KCTD1: variants seen among roughly 807,000 people sequenced by gnomAD.
KCTD1 encodes the protein potassium channel tetramerization domain containing 1.
Under a neutral mutation model 66.0 loss-of-function variants are expected in KCTD1, and 24 were observed. The ratio of observed to expected loss-of-function variants is 0.36; its 90% CI spans 0.26 to 0.51. The LOEUF is 0.51. Ranked by LOEUF, KCTD1 falls within the 20% of genes least tolerant of loss-of-function variation. The pLI is 0.95. For synonymous variants in KCTD1, 511 were observed against 517.2 expected (o/e 0.99, Z 0.16); for missense variants, 943 against 1,205.2 (o/e 0.78, Z 3.22).
chr18:26,463,925 T>C (rs1458440302), intron 3 of KCTD1, among the ~76,000 whole-genome samples: 1 of 152,226 alleles, frequency 6.6e-6, no homozygotes, highest in Non-Finnish European at 1.5e-5. Flanking sequence ...TGAGCTTCCC[T>C]AAGATCCTGA....
intron 1 of KCTD1, among the ~76,000 whole-genome samples, chr18:26,513,357 G>A (rs1378709699): frequency 1.3e-5 from 2 of 151,970 alleles, no homozygotes; most frequent in Non-Finnish European, 2.9e-5. Context: ...AAAGTGCTGG[G>A]ATTACAGGCG....
intron 1 of KCTD1, among the ~76,000 whole-genome samples, chr18:26,508,799 T>A (rs1002020225): frequency 3.9e-5 from 6 of 152,162 alleles, no homozygotes; most frequent in African/African-American, 1.4e-4. Flanking sequence ...TCTGATTAAT[T>A]CTGATAGTCT....
intron 2 of KCTD1, among the ~76,000 whole-genome samples, chr18:26,486,231 CTCT>C (rs996682106): frequency 6.6e-6 from 1 of 152,180 alleles, no homozygotes; most frequent in African/African-American, 2.4e-5. Flanking sequence ...CTTATTGCAG[CTCT>C]ATAAAGTATT....
At chr18:26,578,201 A>G (rs1270335241) in intron 1 of KCTD1, among the ~76,000 whole-genome samples, 2 of 151,720 alleles carry the variant, frequency 1.3e-5, no homozygotes, top group East Asian at 1.9e-4. Context: ...GACCACAGAC[A>G]TGCACCACCA....
chr18:26,498,518 A>G (rs958254828), intron 2 of KCTD1, among the ~76,000 whole-genome samples: 2 of 151,400 alleles, frequency 1.3e-5, no homozygotes, highest in Admixed American at 1.3e-4. Context: ...ATTAATTTTA[A>G]TAATGTTTTA....
At chr18:26,642,641 C>A (rs1026417031), upstream of KCTD1, among the ~76,000 whole-genome samples, 1 of 152,154 alleles carries the variant, frequency 6.6e-6, no homozygotes, top group Non-Finnish European at 1.5e-5. Flanking sequence ...GGGAACTTCA[C>A]TGAGAAATAT....
intron 1 of KCTD1, among the ~76,000 whole-genome samples, chr18:26,515,785 C>T (rs1983626022): frequency 2.0e-5 from 3 of 152,156 alleles, no homozygotes; most frequent in African/African-American, 4.8e-5. Context: ...GCTAGGATTA[C>T]AGGCGTGAGC....
chr18:26,484,186 T>A (rs917089458), intron 2 of KCTD1, among the ~76,000 whole-genome samples: 1 of 152,186 alleles, frequency 6.6e-6, no homozygotes, highest in Non-Finnish European at 1.5e-5. Flanking sequence ...CTCAAGAAAT[T>A]TCATCTATAT....
At chr18:26,509,455 C>T (rs1983224872) in intron 1 of KCTD1, among the ~76,000 whole-genome samples, 1 of 151,838 alleles carries the variant, frequency 6.6e-6, no homozygotes, top group African/African-American at 2.4e-5. Context: ...AGTGTTAGTT[C>T]CATATATCTA....
intron 3 of KCTD1, among the ~76,000 whole-genome samples, chr18:26,472,675 G>A (rs989125543): frequency 5.3e-5 from 8 of 152,212 alleles, no homozygotes; most frequent in African/African-American, 1.9e-4. Context: ...AGAGCTGACT[G>A]GGGAGCGCCC....
At chr18:26,634,926 G>C (rs1482162468) in intron 1 of KCTD1, among the ~76,000 whole-genome samples, 1 of 152,166 alleles carries the variant, frequency 6.6e-6, no homozygotes, top group Admixed American at 6.5e-5. Flanking sequence ...TAGCAGAAGT[G>C]AGTGAGGCAA....
chr18:26,591,794 T>C (rs181348649), intron 1 of KCTD1, among the ~76,000 whole-genome samples: 1 of 152,316 alleles, frequency 6.6e-6, no homozygotes, highest in East Asian at 1.9e-4. Flanking sequence ...TCTTGGTGTA[T>C]ATAATAAATA....
chr18:26,640,095 A>G (rs1472923133), intron 1 of KCTD1, among the ~76,000 whole-genome samples: 2 of 152,174 alleles, frequency 1.3e-5, no homozygotes, highest in Non-Finnish European at 2.9e-5. Context: ...AGAGAGGTCT[A>G]AAGGAAAAAT....
At position 26,533,133 on chromosome 18, in the gene KCTD1, T is replaced by C. The variant is rs553396950; in HGVS notation, c.1809+13595A>G. On this transcript the variant is annotated intron_variant, in intron 1 of 4. Coordinates refer to ENST00000580059, the MANE Select transcript of KCTD1 (RefSeq NM_001142730.3). Reference sequence around the variant, plus strand: ...ACTTACATAACATGTGATACACAGATGTTAGTTATTGGGTTGATTGTGGGA... The same window carrying C: ...ACTTACATAACATGTGATACACAGACGTTAGTTATTGGGTTGATTGTGGGA... Among the ~76,000 whole-genome samples the C allele has an allele frequency of 4.2e-4, 64 of 152,336 alleles. 1 individual carries two copies. Among genetic ancestry groups the C allele is most frequent in the South Asian group, 3.9e-3 (19 of 4,824 alleles).
At position 26,547,237 on chromosome 18, in the gene KCTD1, G is replaced by T. The variant is rs1247193902; in HGVS notation, c.1300C>A (p.Arg434=). 1.3e-6 allele frequency: 2 copies of T among 1,551,558 alleles called. No individual in the cohort carries two copies. The highest frequency in any genetic ancestry group is 2.4e-5 in the South Asian group (2 of 84,052). The part of the protein sequence containing the change: ...KAIGKNLLGT[R]MQMLSKAAKL... Reference sequence around the variant, plus strand: ...GCCGCCTTGGAGAGCATCTGCATCCGAGTGCCTAGCAAGTTCTTGCCGATG... The same window carrying T: ...GCCGCCTTGGAGAGCATCTGCATCCTAGTGCCTAGCAAGTTCTTGCCGATG... Residue 434 remains arginine, a synonymous_variant, in exon 1 of 5, where the codon CGG becomes AGG. Coordinates refer to ENST00000580059, the MANE Select transcript of KCTD1 (RefSeq NM_001142730.3).
chr18:26,456,237 C>G (rs893925386), intron 4 of KCTD1: 1 of 204,946 alleles, frequency 4.9e-6, no homozygotes, highest in African/African-American at 2.3e-5. Context: ...GGCCTCAAAT[C>G]TCCTGTTTTT....
chr18:26,479,452 C>T (rs1157222315), intron 2 of KCTD1, among the ~76,000 whole-genome samples: 1 of 152,196 alleles, frequency 6.6e-6, no homozygotes, highest in Non-Finnish European at 1.5e-5. Context: ...GCGGCCAGCT[C>T]GGCCAGACCC....
intron 2 of KCTD1, among the ~76,000 whole-genome samples, chr18:26,491,261 A>T (rs1982187726): frequency 6.6e-6 from 1 of 152,174 alleles, no homozygotes; most frequent in Non-Finnish European, 1.5e-5. Flanking sequence ...TGACTAACAC[A>T]GCCATGGGCC....
intron 1 of KCTD1, among the ~76,000 whole-genome samples, chr18:26,576,865 T>C (rs983889237): frequency 3.3e-5 from 5 of 152,218 alleles, no homozygotes; most frequent in East Asian, 1.9e-4. Context: ...TTTAAAAAAA[T>C]TGAACAGTGC....
Sources: gnomAD v4.1 joint callset for allele counts (sites outside exome capture counted in the v4.1 genomes callset) on GRCh38, gnomAD v4.1.1 for gene constraint, MANE v1.5 for transcripts, NCBI Gene and HGNC (gene_info 2026-07-23, HGNC 2026-07-21) for gene names.